Variants in GOLGA3 observed in about 807,000 individuals in gnomAD.
The protein encoded by GOLGA3 is golgin subfamily A member 3.
A neutral mutation model predicts 169.4 loss-of-function variants in GOLGA3; 75 were observed. The ratio of observed to expected loss-of-function variants is 0.44; its 90% CI spans 0.37 to 0.54. GOLGA3 has a LOEUF of 0.54. Among genes scored for constraint, GOLGA3 ranks in the 20% least tolerant of loss-of-function variants. The pLI, the probability that GOLGA3 is intolerant of heterozygous loss-of-function variation, is 0.00. For missense variants in GOLGA3, 1,899 were observed against 1,930.0 expected (o/e 0.98, Z 0.30); for synonymous variants, 824 against 822.4 (o/e 1.00, Z -0.03).
chr12:132,783,602 G>A (rs983728452), intron 16 of GOLGA3, among the ~76,000 whole-genome samples: 1 of 97,466 alleles, frequency 1.0e-5, no homozygotes, highest in African/African-American at 3.5e-5. Flanking sequence ...TTTTTGAGAC[G>A]GAGTCTCACT....
At chr12:132,795,437 G>C (rs563863773) in intron 11 of GOLGA3, among the ~76,000 whole-genome samples, 1 of 152,076 alleles carries the variant, frequency 6.6e-6, no homozygotes, top group African/African-American at 2.4e-5. Flanking sequence ...GACTAGCCTG[G>C]CCAACATGGC....
intron 16 of GOLGA3, among the ~76,000 whole-genome samples, chr12:132,783,099 G>A (rs924326377): frequency 6.8e-4 from 104 of 152,164 alleles, no homozygotes; most frequent in Admixed American, 8.5e-4. Flanking sequence ...AGGAGAATGA[G>A]GCGGGAAAAT....
At position 132,798,293 on chromosome 12, in the gene GOLGA3, T is replaced by G. The variant is rs899999950; in HGVS notation, c.1938+47A>C. The stretch of plus-strand genomic sequence containing the variant: ...TAAGAAAACACACATGGTATCGATG[T>G]CTGCGTCTGTTCTCCTAAGCTTCCA... On this transcript the variant is annotated intron_variant, in intron 9 of 23. Coordinates refer to ENST00000450791, the MANE Select transcript of GOLGA3 (RefSeq NM_001389683.1). 6 of 1,550,008 alleles carry G rather than the reference T, an allele frequency of 3.9e-6. No individual in the cohort carries two copies. In the African/African-American group the frequency reaches 8.3e-5, roughly 21 times the overall value.
intron 16 of GOLGA3, among the ~76,000 whole-genome samples, chr12:132,783,172 AGAGT>A (rs879468483): frequency 1.4e-5 from 2 of 145,852 alleles, no homozygotes; most frequent in Non-Finnish European, 3.0e-5. Flanking sequence ...CCTGAATGAC[AGAGT>A]GAGACTCTGT....
intron 3 of GOLGA3, among the ~76,000 whole-genome samples, chr12:132,813,993 G>C (rs1247601670): frequency 9.3e-5 from 14 of 150,090 alleles, no homozygotes; most frequent in African/African-American, 3.4e-4. Context: ...CAAAGTGCTG[G>C]GATTACAGGC....
At chr12:132,816,900 A>C in intron 2 of GOLGA3, 88 bp from the exon 3 acceptor site, 3 of 1,211,736 alleles carry the variant, frequency 2.5e-6, no homozygotes, top group Non-Finnish European at 3.4e-6. Context: ...AGGAGAGAAG[A>C]GGATCCAGAC....
Position 132,825,187 on chromosome 12 carries a change from C to A in GOLGA3, c.-183-2876G>T, listed in dbSNP as rs1950360008. Among the ~76,000 whole-genome samples, 3 of 152,246 alleles carry A rather than the reference C, an allele frequency of 2.0e-5. No homozygotes were observed. In the South Asian group the frequency reaches 6.2e-4, roughly 32 times the overall value. ...GGGTGGGGTGATTATATGGAACCGA[C>A]CGTGTGTGCCTACGCGTGCAGACCC... On this transcript the variant is annotated intron_variant, in intron 1 of 23. Transcript: ENST00000450791.
At chr12:132,815,591 G>A (rs970628892) in intron 3 of GOLGA3, among the ~76,000 whole-genome samples, 8 of 152,158 alleles carry the variant, frequency 5.3e-5, no homozygotes, top group African/African-American at 1.9e-4. Context: ...TTAGTTTTAA[G>A]AAATTTTTAA....
At position 132,770,668 on chromosome 12, in the gene GOLGA3, T is replaced by C. The variant is rs1318514947; in HGVS notation, c.*2437A>G. ...ATTTATTTTTGAGACGGAGTCTCGCTCTGTTGCCCAGGCTGGAGGGCAGTG... is the reference window on the plus strand; with the variant it reads ...ATTTATTTTTGAGACGGAGTCTCGCCCTGTTGCCCAGGCTGGAGGGCAGTG... On this transcript the variant is annotated 3_prime_UTR_variant, in exon 24 of 24. Transcript: ENST00000450791. The C allele has an allele frequency of 6.6e-6, 1 of 152,250 alleles. No individual in the cohort carries two copies. The highest frequency in any genetic ancestry group is 1.5e-5 in the Non-Finnish European group (1 of 68,052). The allele number at this position is 152,250 out of a possible 1,614,324, so 9.4% of individuals were successfully genotyped here.
At chr12:132,817,132 CACTCTAAT>C in intron 2 of GOLGA3, among the ~76,000 whole-genome samples, 1 of 150,474 alleles carries the variant, frequency 6.6e-6, no homozygotes, top group Admixed American at 6.6e-5. Flanking sequence ...CACACCTCCA[CACTCTAAT>C]GTGAACCCGC....
intron 1 of GOLGA3, among the ~76,000 whole-genome samples, chr12:132,826,973 G>A: frequency 6.6e-6 from 1 of 152,326 alleles, no homozygotes; most frequent in Non-Finnish European, 1.5e-5. Context: ...CGTCTCTAGA[G>A]AGAAGAGACA....
rs370726660 is a variant in GOLGA3 at position 132,779,843 on chromosome 12, A to AC, written c.3582+954dup. Among the ~76,000 whole-genome samples, 220 of 88,858 alleles carry AC rather than the reference A, an allele frequency of 2.5e-3. 1 individual carries two copies. The highest frequency in any genetic ancestry group is 0.024 in the Middle Eastern group (2 of 82). 58.3% of individuals were successfully genotyped at this position (88,858 alleles called of 152,430 possible). A position where few individuals can be genotyped will look rare whatever the true frequency, so the allele number is the denominator to read the frequency against. On this transcript the variant is annotated intron_variant, in intron 18 of 23. Coordinates refer to ENST00000450791, the MANE Select transcript of GOLGA3 (RefSeq NM_001389683.1). ...CACACACCACAGCCCTTGCACGGACACCCCCCCGCGCACATACACACACCT... is the reference window on the plus strand; with the variant it reads ...CACACACCACAGCCCTTGCACGGACACCCCCCCCGCGCACATACACACACCT...
At chr12:132,818,188 A>ATG (rs1950073777) in intron 2 of GOLGA3, among the ~76,000 whole-genome samples, 10 of 138,094 alleles carry the variant, frequency 7.2e-5, no homozygotes, top group Admixed American at 1.4e-4. Context: ...ACACCTCTAC[A>ATG]CTATAAGGTG....
chr12:132,816,642 C>A lies in GOLGA3; in HGVS notation c.304G>T (p.Asp102Tyr). 1 of 1,614,184 alleles carries A rather than the reference C, an allele frequency of 6.2e-7. No homozygotes were observed. Among genetic ancestry groups the A allele is most frequent in the Non-Finnish European group, 8.5e-7 (1 of 1,180,022 alleles). ...DASPGVAGFH[D>Y]NLRKSQGTSA... ...GTTCCCTGAGACTTCCTTAGGTTGT[C>A]ATGGAAACCAGCCACACCTGGAGAG... The change falls in exon 3 of 24, where the codon GAC becomes TAC. Residue 102 changes from aspartate (D) to tyrosine (Y), a missense_variant. Asp to Tyr is a radical substitution (Grantham distance 160). Coordinates refer to ENST00000450791, the MANE Select transcript of GOLGA3 (RefSeq NM_001389683.1).
intron 2 of GOLGA3, 77 bp from the exon 3 acceptor site, chr12:132,816,889 T>A: frequency 7.7e-7 from 1 of 1,300,978 alleles, no homozygotes; most frequent in Non-Finnish European, 1.0e-6. Context: ...GCAGCTGGAG[T>A]AGGAGAGAAG....
chr12:132,776,825 A>G, intron 20 of GOLGA3, 69 bp from the exon 21 acceptor site: 4 of 1,584,124 alleles, frequency 2.5e-6, no homozygotes, highest in African/African-American at 2.7e-5. Context: ...AAATGGCTCT[A>G]GCTGTGTTTT....
chr12:132,825,945 C>A, intron 1 of GOLGA3: 2 of 945,928 alleles, frequency 2.1e-6, no homozygotes, highest in Non-Finnish European at 3.5e-6. Context: ...AAGATGAAGA[C>A]GCAGAGGACC....
At position 132,807,917 on chromosome 12, in the gene GOLGA3, C is replaced by G. The variant is rs1593342554; in HGVS notation, c.1152G>C (p.Arg384=). Reference sequence around the variant, plus strand: ...TGCTGCAGATGCTGTCTCTCCGACTCCGCACCTCCCCGTTGACCTCCTGCC... The same window carrying G: ...TGCTGCAGATGCTGTCTCTCCGACTGCGCACCTCCCCGTTGACCTCCTGCC... ...DQGQEVNGEV[R]SRRDSICSSV... The change falls in exon 5 of 24, where the codon CGG becomes CGC. Residue 384 remains arginine, a synonymous_variant. Transcript: ENST00000450791. The G allele has an allele frequency of 1.9e-6, 3 of 1,601,278 alleles. No homozygotes were observed. The African/African-American group carries it at 4.1e-5, about 22-fold the overall frequency.
intron 1 of GOLGA3, among the ~76,000 whole-genome samples, chr12:132,822,567 C>T (rs1035974162): frequency 2.6e-5 from 4 of 152,204 alleles, no homozygotes; most frequent in African/African-American, 9.7e-5. Flanking sequence ...GCTGGGACAG[C>T]GCAGCTCTGA....
Sources: allele counts gnomAD v4.1 joint callset (sites outside exome capture counted in the v4.1 genomes callset), GRCh38; gene constraint gnomAD v4.1.1; transcripts MANE v1.5; gene names NCBI Gene and HGNC (gene_info 2026-07-23, HGNC 2026-07-21).